Variants in NOTCH2NLC observed in about 807,000 individuals in gnomAD.
NOTCH2NLC encodes notch 2 N-terminal like C, also known as notch homolog 2 N-terminal-like protein C.
A neutral mutation model predicts 17.7 loss-of-function variants in NOTCH2NLC; 4 were observed. The ratio of observed to expected loss-of-function variants is 0.23; its 90% CI spans 0.11 to 0.52. The LOEUF (loss-of-function observed/expected upper bound fraction) is 0.52, where lower values mean the gene tolerates loss of function less well. Ranked by LOEUF, NOTCH2NLC falls within the 20% of genes least tolerant of loss-of-function variation. The pLI, the probability that NOTCH2NLC is intolerant of heterozygous loss-of-function variation, is 0.96. For missense variants in NOTCH2NLC, 57 were observed against 207.2 expected (o/e 0.28, Z 4.45); for synonymous variants, 18 against 86.0 (o/e 0.21, Z 4.38).
intron 1 of NOTCH2NLC, among the ~76,000 whole-genome samples, chr1:149,395,632 C>T (rs2084200370): frequency 6.8e-6 from 1 of 146,946 alleles, no homozygotes; most frequent in South Asian, 2.2e-4. Flanking sequence ...TCCAGAATAG[C>T]CACACCTTAT....
chr1:149,432,627 G>C (rs1370826434), intron 2 of NOTCH2NLC, among the ~76,000 whole-genome samples: 7 of 150,944 alleles, frequency 4.6e-5, no homozygotes, highest in Admixed American at 4.6e-4. Context: ...AACTACTCTT[G>C]TGGTAGTTAA....
intron 2 of NOTCH2NLC, among the ~76,000 whole-genome samples, chr1:149,432,173 AG>A (rs2084455183): frequency 7.1e-6 from 1 of 141,134 alleles, no homozygotes; most frequent in African/African-American, 2.6e-5. Context: ...GTACTTGCTT[AG>A]TAAGCATTTT....
intron 3 of NOTCH2NLC, among the ~76,000 whole-genome samples, chr1:149,461,055 C>A (rs2084647286): frequency 6.7e-6 from 1 of 149,488 alleles, no homozygotes; most frequent in African/African-American, 2.5e-5. Flanking sequence ...GTGCCTCAGC[C>A]TCCCAGGTAG....
chr1:149,429,248 C>T (rs1353929438), intron 1 of NOTCH2NLC, among the ~76,000 whole-genome samples: 6 of 150,866 alleles, frequency 4.0e-5, no homozygotes, highest in Admixed American at 3.3e-4. Context: ...GCTAGTGGTG[C>T]GATGCCCCAT....
chr1:149,428,444 T>C (rs1297891112), intron 1 of NOTCH2NLC, among the ~76,000 whole-genome samples: 1 of 151,032 alleles, frequency 6.6e-6, no homozygotes, highest in African/African-American at 2.4e-5. Flanking sequence ...GCTGTAAAGT[T>C]ATTTGCTAGA....
At chr1:149,430,306 T>C in intron 1 of NOTCH2NLC, among the ~76,000 whole-genome samples, 2 of 132,862 alleles carry the variant, frequency 1.5e-5, no homozygotes, top group South Asian at 5.3e-4. Context: ...CTCTGCAGTC[T>C]CTATTCATGA....
chr1:149,446,558 G>A (rs1267626414), intron 2 of NOTCH2NLC, among the ~76,000 whole-genome samples: 3 of 150,428 alleles, frequency 2.0e-5, no homozygotes, highest in African/African-American at 4.9e-5. Flanking sequence ...GGCAGGTCTC[G>A]AACTTCCGCT....
At chr1:149,461,003 C>T (rs1258964004) in intron 3 of NOTCH2NLC, among the ~76,000 whole-genome samples, 6 of 146,870 alleles carry the variant, frequency 4.1e-5, no homozygotes, top group South Asian at 2.2e-4. Context: ...GGCGCAGTCT[C>T]GGCTCACTGC....
intron 2 of NOTCH2NLC, among the ~76,000 whole-genome samples, chr1:149,445,876 T>C (rs1379482805): frequency 1.4e-5 from 2 of 146,914 alleles, no homozygotes; most frequent in Non-Finnish European, 3.0e-5. Flanking sequence ...TTGTTGTTTT[T>C]TTTTGAATGG....
chr1:149,435,889 C>A (rs1222690252), intron 2 of NOTCH2NLC, among the ~76,000 whole-genome samples: 4 of 149,062 alleles, frequency 2.7e-5, no homozygotes, highest in African/African-American at 7.4e-5. Context: ...CTGGGGTGTA[C>A]CTTCACGATA....
chr1:149,395,021 AG>A (rs1206617808), intron 1 of NOTCH2NLC, among the ~76,000 whole-genome samples: 1 of 149,178 alleles, frequency 6.7e-6, no homozygotes, highest in Non-Finnish European at 1.5e-5. Context: ...ATGGTCACAG[AG>A]CCAATTAGAG....
In NOTCH2NLC at chr1:149,461,015, A is replaced by G. The variant is rs1450144064; in HGVS notation, c.470-2476A>G. ...AGTGGCGCAGTCTCGGCTCACTGCA[A>G]CCTCCACCTCTTGGGTTCGAGTGAT... is the stretch of plus-strand genomic sequence containing the variant. On this transcript the variant is annotated intron_variant, in intron 3 of 4. Coordinates refer to ENST00000650865, the MANE Select transcript of NOTCH2NLC (RefSeq NM_001364013.2). Among the ~76,000 whole-genome samples the G allele has an allele frequency of 9.0e-3, 1,313 of 145,784 alleles. 44 individuals are homozygous for G. The highest frequency in any genetic ancestry group is 0.032 in the African/African-American group (1,259 of 39,424).
intron 2 of NOTCH2NLC, among the ~76,000 whole-genome samples, chr1:149,435,519 T>C (rs1387445206): frequency 6.7e-6 from 1 of 148,346 alleles, no homozygotes; most frequent in African/African-American, 2.5e-5. Flanking sequence ...GTGACCCTTC[T>C]AGGGGTTCAG....
chr1:149,461,198 G>A (rs1427919001), intron 3 of NOTCH2NLC, among the ~76,000 whole-genome samples: 1 of 149,780 alleles, frequency 6.7e-6, no homozygotes, highest in South Asian at 2.1e-4. Context: ...GCCTCCCAAA[G>A]TGCTGGGATT....
chr1:149,417,429 G>A (rs1486827444), intron 1 of NOTCH2NLC, among the ~76,000 whole-genome samples: 1 of 151,230 alleles, frequency 6.6e-6, no homozygotes, highest in African/African-American at 2.4e-5. Context: ...TTTTCTAACT[G>A]CGTATTTACA....
intron 3 of NOTCH2NLC, among the ~76,000 whole-genome samples, chr1:149,460,189 G>A (rs1414314619): frequency 1.4e-5 from 2 of 144,204 alleles, no homozygotes; most frequent in East Asian, 4.1e-4. Context: ...AGGCAAAGTA[G>A]GGGGGCATAT....
chr1:149,443,275 TA>T, intron 2 of NOTCH2NLC, among the ~76,000 whole-genome samples: 1 of 109,134 alleles, frequency 9.2e-6, no homozygotes, highest in Non-Finnish European at 1.9e-5. Context: ...TCAGGAATCT[TA>T]ATTAGTTTTG....
At chr1:149,433,960 AAAAG>A (rs2084468932) in intron 2 of NOTCH2NLC, among the ~76,000 whole-genome samples, 3 of 147,512 alleles carry the variant, frequency 2.0e-5, no homozygotes, top group Non-Finnish European at 4.5e-5. Flanking sequence ...AAAAAAAAAA[AAAAG>A]AAAATGGAGC....
At chr1:149,426,576 C>CTTTTTTTTT (rs1224339764) in intron 1 of NOTCH2NLC, among the ~76,000 whole-genome samples, 1 of 104,454 alleles carries the variant, frequency 9.6e-6, no homozygotes, top group African/African-American at 3.5e-5. Flanking sequence ...TTCTTTTTGC[C>CTTTTTTTTT]TTTTTTTTTT....
Sources: gnomAD v4.1 joint callset for allele counts (sites outside exome capture counted in the v4.1 genomes callset) on GRCh38, gnomAD v4.1.1 for gene constraint, MANE v1.5 for transcripts, NCBI Gene and HGNC (gene_info 2026-07-23, HGNC 2026-07-21) for gene names.